Variants in CNTN1 observed in about 807,000 individuals in gnomAD.
The protein encoded by CNTN1 is contactin-1.
In CNTN1, 38 loss-of-function variants were observed where a neutral mutation model predicts 126.4. The ratio of observed to expected loss-of-function variants is 0.30; its 90% CI spans 0.23 to 0.39. CNTN1 has a LOEUF of 0.39. CNTN1 is among the 10% of genes least tolerant of loss of function. The probability of loss-of-function intolerance (pLI) is 1.00; values close to 1 mark genes in which losing one functional copy is unlikely to be tolerated. For missense variants in CNTN1, 1,009 were observed against 1,248.4 expected (o/e 0.81, Z 2.89); for synonymous variants, 413 against 422.6 (o/e 0.98, Z 0.28).
intron 23 of CNTN1, among the ~76,000 whole-genome samples, chr12:41,068,044 G>A (rs538043158): frequency 2.6e-5 from 4 of 152,218 alleles, no homozygotes; most frequent in South Asian, 2.1e-4. Context: ...AGTGCAGAGC[G>A]CAGTTTCCTT....
intron 1 of CNTN1, among the ~76,000 whole-genome samples, chr12:40,858,200 T>G (rs1942982668): frequency 6.6e-6 from 1 of 152,094 alleles, no homozygotes; most frequent in Non-Finnish European, 1.5e-5. Context: ...GCACCTTCAT[T>G]TGGCCTCTCC....
At chr12:40,880,992 T>C in intron 1 of CNTN1, among the ~76,000 whole-genome samples, 1 of 152,002 alleles carries the variant, frequency 6.6e-6, no homozygotes, top group East Asian at 1.9e-4. Context: ...ACGATGGAAT[T>C]ACACAGATTT....
chr12:40,940,217 T>A (rs1193418430), intron 12 of CNTN1, among the ~76,000 whole-genome samples: 1 of 151,964 alleles, frequency 6.6e-6, no homozygotes, highest in Non-Finnish European at 1.5e-5. Context: ...TATGTGAATG[T>A]GAGGGCAGCA....
At chr12:40,870,279 A>G (rs1943441546) in intron 1 of CNTN1, among the ~76,000 whole-genome samples, 1 of 152,176 alleles carries the variant, frequency 6.6e-6, no homozygotes. Flanking sequence ...AAGCAAAAAT[A>G]TTAACATAAA....
chr12:40,982,949 G>A (rs1398615301), intron 16 of CNTN1, among the ~76,000 whole-genome samples: 1 of 134,272 alleles, frequency 7.4e-6, no homozygotes, highest in Non-Finnish European at 1.6e-5. Context: ...TCTTGGGGTG[G>A]GGGGAGGGGG....
chr12:41,015,720 TAA>T (rs58676163), intron 18 of CNTN1, among the ~76,000 whole-genome samples: 18 of 135,810 alleles, frequency 1.3e-4, no homozygotes, highest in Admixed American at 2.2e-4. Context: ...GATTTTCTGG[TAA>T]AAAAAAAAAA....
chr12:41,030,435 A>G (rs1464457778), intron 23 of CNTN1, among the ~76,000 whole-genome samples: 1 of 152,070 alleles, frequency 6.6e-6, no homozygotes. Context: ...TTTTAAGAAA[A>G]TAGAGAAATT....
intron 1 of CNTN1, among the ~76,000 whole-genome samples, chr12:40,719,083 A>T (rs1434909726): frequency 6.6e-6 from 1 of 152,192 alleles, no homozygotes; most frequent in Non-Finnish European, 1.5e-5. Context: ...CTTTTTAAAC[A>T]CTGAACAACT....
chr12:40,766,380 AAG>A (rs145394573), intron 1 of CNTN1, among the ~76,000 whole-genome samples: 17,187 of 150,860 alleles, frequency 0.11, 1,348 homozygotes, highest in African/African-American at 0.21. Flanking sequence ...AAAAGAAAGA[AAG>A]AAAAAGCATT....
In CNTN1 at chr12:41,039,802, T is replaced by C. The variant is rs148274087; in HGVS notation, c.2980+10583T>C. On this transcript the variant is annotated intron_variant, in intron 23 of 23. Transcript: ENST00000551295. ...ATGGCATGGTTAATATAAGTGGAGATCAAGGAAAACAAGGATTTATTACTT... is the reference window on the plus strand; with the variant it reads ...ATGGCATGGTTAATATAAGTGGAGACCAAGGAAAACAAGGATTTATTACTT... Among the ~76,000 whole-genome samples, 98 of 152,000 alleles carry C rather than the reference T, an allele frequency of 6.4e-4. 2 individuals carry two copies. The highest frequency in any genetic ancestry group is 2.2e-3 in the African/African-American group (91 of 41,488).
intron 14 of CNTN1, among the ~76,000 whole-genome samples, chr12:40,947,045 G>C (rs963467150): frequency 1.3e-5 from 2 of 151,686 alleles, no homozygotes; most frequent in Admixed American, 6.6e-5. Context: ...AGTTTAATGG[G>C]AACACCAAAA....
intron 1 of CNTN1, among the ~76,000 whole-genome samples, chr12:40,735,199 A>G (rs920252130): frequency 6.6e-6 from 1 of 152,090 alleles, no homozygotes; most frequent in African/African-American, 2.4e-5. Flanking sequence ...CTCAGTAGAC[A>G]TATATTCAAT....
intron 1 of CNTN1, among the ~76,000 whole-genome samples, chr12:40,722,895 AT>A (rs546389467): frequency 6.6e-6 from 1 of 151,850 alleles, no homozygotes; most frequent in Admixed American, 6.6e-5. Flanking sequence ...CAACAAATGC[AT>A]TTTTTTTCCT....
At chr12:40,955,668 T>C (rs1365721669) in intron 14 of CNTN1, among the ~76,000 whole-genome samples, 1 of 152,140 alleles carries the variant, frequency 6.6e-6, no homozygotes, top group Non-Finnish European at 1.5e-5. Context: ...CATTAAGTAC[T>C]TTGTATGTAA....
chr12:40,975,934 T>C (rs1002441856), intron 15 of CNTN1, among the ~76,000 whole-genome samples: 2 of 152,074 alleles, frequency 1.3e-5, no homozygotes, highest in Non-Finnish European at 2.9e-5. Flanking sequence ...AGAAATAGCA[T>C]AAATAGTAGG....
At chr12:40,845,712 T>C (rs948753360) in intron 1 of CNTN1, among the ~76,000 whole-genome samples, 4 of 152,030 alleles carry the variant, frequency 2.6e-5, no homozygotes, top group African/African-American at 9.7e-5. Flanking sequence ...ACCAATGAGA[T>C]TCAGGGAGCA....
intron 1 of CNTN1, among the ~76,000 whole-genome samples, chr12:40,759,958 C>G (rs1316465551): frequency 1.3e-5 from 2 of 151,966 alleles, no homozygotes; most frequent in Non-Finnish European, 2.9e-5. Flanking sequence ...CCAGCTATGG[C>G]CACCAGGTTC....
At chr12:40,927,218 G>A (rs1945726699) in intron 6 of CNTN1, among the ~76,000 whole-genome samples, 1 of 152,018 alleles carries the variant, frequency 6.6e-6, no homozygotes, top group Non-Finnish European at 1.5e-5. Flanking sequence ...GTTATTTATT[G>A]TTTAATCCAG....
intron 18 of CNTN1, among the ~76,000 whole-genome samples, chr12:41,016,297 G>A (rs1349089196): frequency 1.3e-5 from 2 of 152,182 alleles, no homozygotes; most frequent in Non-Finnish European, 2.9e-5. Flanking sequence ...TAGGGTGCGG[G>A]ACATGGAGCA....
Sources: gnomAD v4.1 joint callset for allele counts (sites outside exome capture counted in the v4.1 genomes callset) on GRCh38, gnomAD v4.1.1 for gene constraint, MANE v1.5 for transcripts, NCBI Gene and HGNC (gene_info 2026-07-23, HGNC 2026-07-21) for gene names.